RECK: variants seen among roughly 807,000 people sequenced by gnomAD.
The protein encoded by RECK is reversion inducing cysteine rich protein with kazal motifs.
RECK carries 69 observed loss-of-function variants against 115.1 expected under a neutral mutation model. The observed-to-expected ratio is 0.60, with a 90% confidence interval of 0.49 to 0.73. The LOEUF is 0.73. RECK is among the 30% of genes least tolerant of loss of function. The pLI is 0.00. For missense variants in RECK, 1,047 were observed against 1,203.7 expected, an observed-to-expected ratio of 0.87 and a Z score of 1.93; for synonymous variants, 414 against 419.7, an observed-to-expected ratio of 0.99 and a Z score of 0.17.
intron 1 of RECK, among the ~76,000 whole-genome samples, chr9:36,038,556 A>G (rs1371650516): frequency 6.6e-6 from 1 of 152,256 alleles, no homozygotes; most frequent in Non-Finnish European, 1.5e-5. Context: ...GTGGTTAAGA[A>G]CATTGAGCAA....
At chr9:36,077,906 G>C (rs528825695) in intron 6 of RECK, among the ~76,000 whole-genome samples, 1 of 152,078 alleles carries the variant, frequency 6.6e-6, no homozygotes, top group African/African-American at 2.4e-5. Context: ...TGTGCTTAGC[G>C]TGAGGTAGCC....
intron 1 of RECK, among the ~76,000 whole-genome samples, chr9:36,051,084 G>A (rs773359393): frequency 9.9e-5 from 15 of 152,018 alleles, no homozygotes; most frequent in Non-Finnish European, 1.6e-4. Context: ...ACAGACTTAT[G>A]TTTTTTTGAA....
intron 2 of RECK, 22 bp from the exon 3 acceptor site, chr9:36,058,805 C>CTT (rs398113450): frequency 1.3e-3 from 1,622 of 1,230,644 alleles, no homozygotes; most frequent in East Asian, 8.4e-3. Context: ...GCCACAAAAA[C>CTT]TTTTTTTTTT....
At chr9:36,119,816 C>A (rs7032702) in intron 18 of RECK, among the ~76,000 whole-genome samples, 3,842 of 152,218 alleles carry the variant, frequency 0.025, 173 homozygotes, top group African/African-American at 0.088. Flanking sequence ...ATCGGAGGGG[C>A]CCAGGGCAGA....
chr9:36,044,220 A>T (rs1169773907), intron 1 of RECK, among the ~76,000 whole-genome samples: 33 of 141,494 alleles, frequency 2.3e-4, no homozygotes, highest in Middle Eastern at 3.6e-3. Context: ...ATTTTATTTT[A>T]TTTTTTTTTT....
intron 10 of RECK, 62 bp from the exon 11 acceptor site, chr9:36,100,269 C>T (rs1823510185): frequency 1.2e-5 from 17 of 1,388,116 alleles, no homozygotes; most frequent in Non-Finnish European, 1.6e-5. Context: ...CAGGATTTTA[C>T]TTGTTGCTTC....
chr9:36,073,028 A>G (rs1010746037), intron 6 of RECK, among the ~76,000 whole-genome samples: 4 of 151,170 alleles, frequency 2.6e-5, no homozygotes, highest in Middle Eastern at 3.2e-3. Flanking sequence ...TGACAACTTC[A>G]GAATCTTCAT....
At chr9:36,069,267 C>T (rs1005263217) in intron 6 of RECK, among the ~76,000 whole-genome samples, 18 of 151,874 alleles carry the variant, frequency 1.2e-4, no homozygotes, top group Admixed American at 5.3e-4. Context: ...AGGCCGGGTG[C>T]GGTGGCTCAC....
chr9:36,071,524 C>T (rs1822229852), intron 6 of RECK, among the ~76,000 whole-genome samples: 1 of 152,100 alleles, frequency 6.6e-6, no homozygotes, highest in Non-Finnish European at 1.5e-5. Flanking sequence ...TGCCATCATA[C>T]GTTTTATATT....
chr9:36,067,547 G>A (rs555400803), intron 6 of RECK, among the ~76,000 whole-genome samples: 1 of 152,086 alleles, frequency 6.6e-6, no homozygotes, highest in African/African-American at 2.4e-5. Context: ...TTAAGATTTT[G>A]TCTTGTTCTA....
At chr9:36,096,451 C>T (rs1017582323) in intron 10 of RECK, among the ~76,000 whole-genome samples, 11 of 150,066 alleles carry the variant, frequency 7.3e-5, no homozygotes, top group Non-Finnish European at 7.4e-5. Context: ...GCAGGAGAAT[C>T]GCTTGAACCC....
At chr9:36,040,785 G>T (rs981040456) in intron 1 of RECK, among the ~76,000 whole-genome samples, 3 of 150,416 alleles carry the variant, frequency 2.0e-5, no homozygotes, top group Non-Finnish European at 2.9e-5. Context: ...GGAAGTGAGG[G>T]AAGAAGGAAT....
rs554530842 is a variant in RECK at position 36,088,739 on chromosome 9, T to A, written c.905+778T>A. ...GCAAATTTTTTAAAAGACATGAAGG[T>A]CGGGCGCGGTGGCTCATGCCTGTAA... is the stretch of plus-strand genomic sequence containing the variant. On this transcript the variant is annotated intron_variant, in intron 9 of 20. Coordinates refer to ENST00000377966, the MANE Select transcript of RECK (RefSeq NM_021111.3). Among the ~76,000 whole-genome samples, 11 of 152,318 alleles carry A rather than the reference T, an allele frequency of 7.2e-5. No homozygotes were observed. In the South Asian group the frequency reaches 2.3e-3, roughly 32 times the overall value.
At chr9:36,057,397 T>A (rs1275316145) in intron 2 of RECK, among the ~76,000 whole-genome samples, 1 of 152,204 alleles carries the variant, frequency 6.6e-6, no homozygotes, top group Admixed American at 6.5e-5. Flanking sequence ...TTTCTCCACT[T>A]TTTTTGGTCA....
chr9:36,081,134 A>T (rs1822670526), intron 7 of RECK, among the ~76,000 whole-genome samples: 1 of 152,158 alleles, frequency 6.6e-6, no homozygotes, highest in African/African-American at 2.4e-5. Context: ...GGCATGAAGG[A>T]TGGGTAAGAT....
At chr9:36,087,993 G>A (rs1823030292) in intron 9 of RECK, 32 bp downstream of exon 9, 2 of 1,531,136 alleles carry the variant, frequency 1.3e-6, no homozygotes, top group African/African-American at 1.4e-5. Context: ...ACCAAAATCA[G>A]TAGAAAATGG....
In RECK at chr9:36,112,353, A is replaced by C; in HGVS notation, c.1937A>C (p.Asn646Thr). 1 of 1,613,742 alleles carries C rather than the reference A, an allele frequency of 6.2e-7. No individual in the cohort carries two copies. The highest frequency in any genetic ancestry group is 8.5e-7 in the Non-Finnish European group (1 of 1,180,006). The change falls in exon 16 of 21, where the codon AAT becomes ACT. Residue 646 changes from asparagine (N) to threonine (T), a missense_variant. Physicochemically the swap from Asn to Thr is moderately conservative, Grantham distance 65. Coordinates refer to ENST00000377966, the MANE Select transcript of RECK (RefSeq NM_021111.3). ...CAGTTTGTCCCTGTATGTGGGCAGA[A>C]TGGGCGCACTTACCCCAGTGCCTGC... ...ADQFVPVCGQ[N>T]GRTYPSACIA...
chr9:36,063,836 T>A lies in RECK; in HGVS notation c.313T>A (p.Cys105Ser), dbSNP rs1194118845. Residue 105 changes from cysteine to serine, a missense_variant, in exon 5 of 21, where the codon TGT (cysteine) becomes AGT (serine). Cys to Ser is a moderately radical substitution (Grantham distance 112). Coordinates refer to ENST00000377966, the MANE Select transcript of RECK (RefSeq NM_021111.3). The stretch of plus-strand genomic sequence containing the variant: ...TGATGGCTGGGTTGGCTTAGGCTGC[T>A]GTGAACTGGCTATTGCCTTGGAGTG... Reference protein sequence around the residue: ...KSDGWVGLGCCELAIALECRQ... With the variant: ...KSDGWVGLGCSELAIALECRQ... 1.2e-6 allele frequency: 2 copies of A among 1,614,012 alleles called. No individual in the cohort carries two copies. Among genetic ancestry groups the A allele is most frequent in the African/African-American group, 1.3e-5 (1 of 74,936 alleles).
intron 6 of RECK, among the ~76,000 whole-genome samples, chr9:36,067,924 G>A (rs1184806979): frequency 2.6e-5 from 4 of 152,168 alleles, no homozygotes; most frequent in African/African-American, 7.2e-5. Flanking sequence ...ACCTAAGACT[G>A]TGGATCAAAG....
Sources: gnomAD v4.1 joint callset for allele counts (sites outside exome capture counted in the v4.1 genomes callset) on GRCh38, gnomAD v4.1.1 for gene constraint, MANE v1.5 for transcripts, NCBI Gene and HGNC (gene_info 2026-07-23, HGNC 2026-07-21) for gene names.